Variants in RABGAP1L observed in about 807,000 individuals in gnomAD.
RABGAP1L encodes rab GTPase-activating protein 1-like.
A neutral mutation model predicts 137.7 loss-of-function variants in RABGAP1L; 63 were observed. That is an observed-to-expected ratio of 0.46 (90% CI 0.37 to 0.56). The LOEUF (loss-of-function observed/expected upper bound fraction) is 0.56, where lower values mean the gene tolerates loss of function less well. Ranked by LOEUF, RABGAP1L falls within the 20% of genes least tolerant of loss-of-function variation. RABGAP1L has a pLI of 0.00. For synonymous variants in RABGAP1L, 431 were observed against 433.7 expected, an observed-to-expected ratio of 0.99 and a Z score of 0.08; for missense variants, 1,095 against 1,244.0, an observed-to-expected ratio of 0.88 and a Z score of 1.80.
chr1:174,366,448 A>T lies in RABGAP1L; in HGVS notation c.1466-4531A>T, dbSNP rs570754832. Among the ~76,000 whole-genome samples the T allele has an allele frequency of 9.9e-5, 15 of 152,252 alleles. No homozygotes were observed. The South Asian group carries it at 3.1e-3, about 32-fold the overall frequency. ...AACACCAACATTTTAAACTGAGACT[A>T]ATTCCTGCAACCACATTTCTTGTTA... On this transcript the variant is annotated intron_variant, in intron 11 of 25. Coordinates refer to ENST00000681986, the MANE Select transcript of RABGAP1L (RefSeq NM_001366446.1).
At chr1:174,171,034 T>A (rs1665340186) in intron 1 of RABGAP1L, among the ~76,000 whole-genome samples, 1 of 152,180 alleles carries the variant, frequency 6.6e-6, no homozygotes, top group Non-Finnish European at 1.5e-5. Context: ...AAGGGATCTG[T>A]GAGTGAAAGG....
chr1:174,925,876 G>GTTTTTTTGTGTGGTTTTTTTTTTTTT (rs1662717041), intron 19 of RABGAP1L, among the ~76,000 whole-genome samples: 1 of 108,672 alleles, frequency 9.2e-6, no homozygotes, highest in African/African-American at 2.9e-5. Context: ...TTTTGTTTTT[G>GTTTTTTTGTGTGGTTTTTTTTTTTTT]TTTTTTTTTT....
intron 13 of RABGAP1L, among the ~76,000 whole-genome samples, chr1:174,542,761 T>A (rs903665924): frequency 1.3e-5 from 2 of 152,338 alleles, no homozygotes; most frequent in African/African-American, 4.8e-5. Flanking sequence ...ACACATTGCT[T>A]TAAATGTGTC....
intron 1 of RABGAP1L, among the ~76,000 whole-genome samples, chr1:174,204,564 A>G (rs1193407729): frequency 6.6e-6 from 1 of 152,062 alleles, no homozygotes; most frequent in East Asian, 1.9e-4. Context: ...ATGGCTTATT[A>G]TTTTATTCCT....
chr1:174,636,966 A>G (rs1674098924), intron 13 of RABGAP1L, among the ~76,000 whole-genome samples: 1 of 152,230 alleles, frequency 6.6e-6, no homozygotes, highest in African/African-American at 2.4e-5. Flanking sequence ...TGATATATCT[A>G]TATCCAGATA....
chr1:174,961,422 T>C (rs1271207864), intron 20 of RABGAP1L, among the ~76,000 whole-genome samples: 6 of 152,202 alleles, frequency 3.9e-5, no homozygotes, highest in African/African-American at 1.4e-4. Flanking sequence ...GTGAGGAAAG[T>C]TTTCTAGTGA....
chr1:174,912,609 A>G (rs2149200757), intron 19 of RABGAP1L, among the ~76,000 whole-genome samples: 1 of 152,336 alleles, frequency 6.6e-6, no homozygotes, highest in Middle Eastern at 3.4e-3. Context: ...TCATATGGAA[A>G]ATGTGTGTCA....
intron 13 of RABGAP1L, among the ~76,000 whole-genome samples, chr1:174,520,570 T>C (rs1242310432): frequency 6.6e-6 from 1 of 152,238 alleles, no homozygotes; most frequent in African/African-American, 2.4e-5. Flanking sequence ...TTTATATTGT[T>C]TTAAAAAATT....
At chr1:174,254,564 A>G (rs1410151433) in intron 7 of RABGAP1L, among the ~76,000 whole-genome samples, 1 of 152,070 alleles carries the variant, frequency 6.6e-6, no homozygotes, top group South Asian at 2.1e-4. Context: ...TTCAGCTCCC[A>G]CTTATGAGTG....
At position 174,466,568 on chromosome 1, in the gene RABGAP1L, C is replaced by T. The variant is rs192441923; in HGVS notation, c.1710+72423C>T. 1.3e-3 allele frequency among the ~76,000 whole-genome samples: 200 copies of T among 152,262 alleles called. 1 individual carries two copies. The highest frequency in any genetic ancestry group is 4.5e-3 in the African/African-American group (186 of 41,554). On this transcript the variant is annotated intron_variant, in intron 13 of 25. Transcript: ENST00000681986. ...TTGGGAGGCTGAGGCGGGTGGATCA[C>T]TTGAGGTCAGGAGTTTGAGACCAGC...
intron 12 of RABGAP1L, among the ~76,000 whole-genome samples, chr1:174,391,301 C>G (rs560255048): frequency 1.3e-5 from 2 of 152,210 alleles, no homozygotes; most frequent in East Asian, 3.9e-4. Flanking sequence ...TTGCGCATGG[C>G]ATTGAAGAAA....
chr1:174,569,357 A>G (rs1209381263), intron 13 of RABGAP1L, among the ~76,000 whole-genome samples: 1 of 152,106 alleles, frequency 6.6e-6, no homozygotes, highest in African/African-American at 2.4e-5. Flanking sequence ...CAGACATGTG[A>G]CAGTCATAGC....
At chr1:174,682,317 T>TATACAC (rs1553233077) in intron 14 of RABGAP1L, among the ~76,000 whole-genome samples, 10 of 148,544 alleles carry the variant, frequency 6.7e-5, no homozygotes, top group African/African-American at 9.8e-5. Context: ...TATATATATA[T>TATACAC]ACACACACAC....
intron 18 of RABGAP1L, among the ~76,000 whole-genome samples, chr1:174,793,765 G>A (rs557202972): frequency 1.3e-5 from 2 of 151,350 alleles, no homozygotes; most frequent in East Asian, 3.9e-4. Flanking sequence ...TCATGATCTT[G>A]GCTCACTGCA....
intron 13 of RABGAP1L, among the ~76,000 whole-genome samples, chr1:174,462,282 G>C (rs1400411856): frequency 6.6e-6 from 1 of 151,942 alleles, no homozygotes; most frequent in Non-Finnish European, 1.5e-5. Context: ...TACATATTTT[G>C]GTAGTTATAG....
chr1:174,418,158 T>A (rs1434120973), intron 13 of RABGAP1L, among the ~76,000 whole-genome samples: 3 of 152,204 alleles, frequency 2.0e-5, no homozygotes, highest in Non-Finnish European at 4.4e-5. Context: ...CCTGTCTTCC[T>A]TGGTGTATGT....
At chr1:174,907,091 T>G (rs886462899) in intron 19 of RABGAP1L, among the ~76,000 whole-genome samples, 9 of 152,156 alleles carry the variant, frequency 5.9e-5, no homozygotes, top group African/African-American at 2.2e-4. Flanking sequence ...AAAAAAAGTT[T>G]TCAAGATATA....
chr1:174,565,323 CTTAA>C (rs1572343972), intron 13 of RABGAP1L, among the ~76,000 whole-genome samples: 2 of 152,296 alleles, frequency 1.3e-5, no homozygotes, highest in East Asian at 1.9e-4. Context: ...TTTCACTCCA[CTTAA>C]TTAATATACG....
intron 13 of RABGAP1L, among the ~76,000 whole-genome samples, chr1:174,505,798 G>A (rs1028488029): frequency 9.9e-5 from 15 of 152,200 alleles, no homozygotes; most frequent in African/African-American, 3.4e-4. Flanking sequence ...CCAATAATGG[G>A]TATATATCCA....
Sources: gnomAD v4.1 joint callset for allele counts (sites outside exome capture counted in the v4.1 genomes callset) on GRCh38, gnomAD v4.1.1 for gene constraint, MANE v1.5 for transcripts, NCBI Gene and HGNC (gene_info 2026-07-23, HGNC 2026-07-21) for gene names.